SYNPO: variants seen among roughly 807,000 people sequenced by gnomAD.
SYNPO encodes the protein synaptopodin.
In SYNPO, 19 loss-of-function variants were observed where a neutral mutation model predicts 49.5. The observed-to-expected ratio is 0.38, with a 90% CI of 0.27 to 0.56. SYNPO has a LOEUF of 0.56. Ranked by LOEUF, SYNPO falls within the 20% of genes least tolerant of loss-of-function variation. The pLI is 0.68. For missense variants in SYNPO, 1,131 were observed against 1,248.3 expected, an observed-to-expected ratio of 0.91 and a Z score of 1.42; for synonymous variants, 536 against 548.0, an observed-to-expected ratio of 0.98 and a Z score of 0.31.
At chr5:150,629,436 G>C (rs1274135161) in intron 2 of SYNPO, among the ~76,000 whole-genome samples, 2 of 152,144 alleles carry the variant, frequency 1.3e-5, no homozygotes, top group Non-Finnish European at 2.9e-5. Context: ...CTTCCTCTGG[G>C]CCTCAGGCTT....
intron 2 of SYNPO, among the ~76,000 whole-genome samples, chr5:150,628,036 C>CTG (rs3062926): frequency 0.045 from 6,336 of 141,958 alleles, 289 homozygotes; most frequent in African/African-American, 0.13. Context: ...GTGTGTGTTT[C>CTG]TGTGTGTGTG....
intron 2 of SYNPO, among the ~76,000 whole-genome samples, chr5:150,655,853 G>A (rs1758531359): frequency 1.3e-5 from 2 of 152,190 alleles, no homozygotes; most frequent in African/African-American, 4.8e-5. Context: ...GTTTCTGCAT[G>A]TTGGCCAGGC....
chr5:150,619,826 C>T lies in SYNPO; in HGVS notation c.400+1059C>T, dbSNP rs145205139. 2.6e-5 allele frequency among the ~76,000 whole-genome samples: 4 copies of T among 152,350 alleles called. No individual in the cohort carries two copies. The East Asian group carries it at 7.7e-4, about 29-fold the overall frequency. On this transcript the variant is annotated intron_variant, in intron 2 of 2. Coordinates refer to the SYNPO transcript ENST00000394243. Reference sequence around the variant, plus strand: ...TCTCTCTGAAATAATTCTCTCCAGGCTCTGATCACCCCCCATGGCCACCAT... The same window carrying T: ...TCTCTCTGAAATAATTCTCTCCAGGTTCTGATCACCCCCCATGGCCACCAT...
chr5:150,602,995 A>AG (rs373724432), intron 1 of SYNPO, among the ~76,000 whole-genome samples: 64 of 87,516 alleles, frequency 7.3e-4, no homozygotes, highest in African/African-American at 2.9e-3. Flanking sequence ...TTGCCACCTT[A>AG]GGGTGTGTGT....
chr5:150,605,064 AC>A (rs1469663193), intron 1 of SYNPO, among the ~76,000 whole-genome samples: 2 of 152,156 alleles, frequency 1.3e-5, no homozygotes, highest in African/African-American at 4.8e-5. Context: ...AAATGAGCCA[AC>A]CCTAAGCTCC....
At position 150,656,704 on chromosome 5, in the gene SYNPO, G is replaced by A. The variant is rs1758570660; in HGVS notation, c.2329G>A (p.Ala777Thr). The part of the protein sequence containing the change: ...RKSASPRSAG[A>T]ENPRPFSPPR... ...GAGCGCCTCCCCGCGGTCGGCGGGC[G>A]CCGAGAACCCGCGGCCCTTCTCCCC... Residue 777 changes from alanine (A) to threonine (T), a missense_variant, in exon 3 of 3, where the codon GCC (alanine) becomes ACC (threonine). Ala to Thr is a moderately conservative substitution (Grantham distance 58). Coordinates refer to ENST00000307662, the MANE Select transcript of SYNPO (RefSeq NM_007286.6). 3 of 1,449,484 alleles carry A rather than the reference G, an allele frequency of 2.1e-6. No homozygotes were observed. In the East Asian group the frequency reaches 9.1e-5, roughly 44 times the overall value. The allele number at this position is 1,449,484 out of a possible 1,614,324, so 89.8% of individuals were successfully genotyped here. A position where few individuals can be genotyped will look rare whatever the true frequency, so the allele number is the denominator to read the frequency against.
intron 1 of SYNPO, among the ~76,000 whole-genome samples, chr5:150,606,755 A>T (rs1362891909): frequency 6.6e-6 from 1 of 152,192 alleles, no homozygotes; most frequent in Admixed American, 6.5e-5. Context: ...TTCAGTGAGG[A>T]GGAGAGGCAG....
rs3062926 is a variant in SYNPO, at chr5:150,628,036, CTGTGTGTG to C, written c.400+9292_400+9299del. Among the ~76,000 whole-genome samples, 327 of 142,034 alleles carry C rather than the reference CTGTGTGTG, an allele frequency of 2.3e-3. 8 individuals are homozygous for C. In the East Asian group the frequency reaches 0.04, roughly 17 times the overall value. The allele number at this position is 142,034 out of a possible 152,430, so 93.2% of individuals were successfully genotyped here. On this transcript the variant is annotated intron_variant, in intron 2 of 2. Transcript: ENST00000394243. ...TGTGTGTTTCTGTGTGTGTGTGTTT[CTGTGTGTG>C]TGTGTGTGTGTGTGTGTGTGTGGTC...
intron 2 of SYNPO, among the ~76,000 whole-genome samples, chr5:150,624,047 T>C (rs573109077): frequency 1.3e-5 from 2 of 152,324 alleles, no homozygotes; most frequent in African/African-American, 4.8e-5. Context: ...GCCACTGCCA[T>C]GGGGCTTCGC....
intron 2 of SYNPO, among the ~76,000 whole-genome samples, chr5:150,620,234 T>C (rs1057011965): frequency 2.0e-5 from 3 of 152,176 alleles, no homozygotes; most frequent in African/African-American, 7.2e-5. Context: ...GTTGTGGCAG[T>C]GTTTTGGAAA....
At chr5:150,647,374 A>G (rs925430162) in intron 1 of SYNPO, among the ~76,000 whole-genome samples, 1 of 152,226 alleles carries the variant, frequency 6.6e-6, no homozygotes, top group Non-Finnish European at 1.5e-5. Context: ...AAAACAAAAC[A>G]GATGGGATAG....
intron 2 of SYNPO, among the ~76,000 whole-genome samples, chr5:150,634,144 A>G (rs1480856741): frequency 1.3e-5 from 2 of 152,132 alleles, no homozygotes; most frequent in Admixed American, 6.5e-5. Flanking sequence ...CTGGCTGTAC[A>G]CAGAACCCCT....
chr5:150,588,573 T>C, the SYNPO span, among the ~76,000 whole-genome samples: 2 of 151,486 alleles, frequency 1.3e-5, no homozygotes, highest in African/African-American at 4.9e-5. Context: ...CCCAGGATTG[T>C]GGGAGTCAGA....
rs76583948 is a variant in SYNPO at position 150,611,819 on chromosome 5, G to A, written c.-265-6284G>A. Among the ~76,000 whole-genome samples the A allele has an allele frequency of 1.1e-3, 166 of 152,322 alleles. 1 individual carries two copies. Among genetic ancestry groups the A allele is most frequent in the East Asian group, 0.01 (53 of 5,182 alleles). Reference sequence around the variant, plus strand: ...CCCCAACTGGAAAACACTGGAAATGGGCAAGGCCAAGGAGAATTCAGGTGT... The same window carrying A: ...CCCCAACTGGAAAACACTGGAAATGAGCAAGGCCAAGGAGAATTCAGGTGT... On this transcript the variant is annotated intron_variant, in intron 1 of 2. Transcript: ENST00000394243.
chr5:150,644,997 C>T (rs1758038827), intron 1 of SYNPO, among the ~76,000 whole-genome samples: 1 of 152,160 alleles, frequency 6.6e-6, no homozygotes, highest in South Asian at 2.1e-4. Context: ...AGGTTGGGGC[C>T]AGAAAACCTG....
intron 2 of SYNPO, chr5:150,624,780 C>A (rs1195466117): frequency 2.2e-6 from 2 of 897,340 alleles, no homozygotes; most frequent in Non-Finnish European, 2.7e-6. Flanking sequence ...GGGCGTCGGG[C>A]GCGGAGCCTG....
chr5:150,630,806 G>A (rs1220022306), intron 2 of SYNPO, among the ~76,000 whole-genome samples: 1 of 152,226 alleles, frequency 6.6e-6, no homozygotes, highest in African/African-American at 2.4e-5. Flanking sequence ...TTTAAGCTGT[G>A]CCAGGGGTGT....
chr5:150,658,617 G>C lies in SYNPO; in HGVS notation c.*1530G>C, dbSNP rs1210596755. On this transcript the variant is annotated 3_prime_UTR_variant, in exon 3 of 3. Transcript: ENST00000307662. Reference sequence around the variant, plus strand: ...AGCTTCAGGATCAGCTGGGGGTATGGAATTGGCTGAGGATCAAACGTATGT... The same window carrying C: ...AGCTTCAGGATCAGCTGGGGGTATGCAATTGGCTGAGGATCAAACGTATGT... The C allele has an allele frequency of 6.6e-6, 1 of 152,518 alleles. No homozygotes were observed. Among genetic ancestry groups the C allele is most frequent in the Non-Finnish European group, 1.5e-5 (1 of 68,180 alleles). 9.4% of individuals were successfully genotyped at this position (152,518 alleles called of 1,614,324 possible). A position where few individuals can be genotyped will look rare whatever the true frequency, so the allele number is the denominator to read the frequency against.
chr5:150,599,100 C>G (rs11960108), upstream of SYNPO, among the ~76,000 whole-genome samples: 18,493 of 152,292 alleles, frequency 0.12, 2,432 homozygotes, highest in African/African-American at 0.33. Flanking sequence ...GGGCCTGTTG[C>G]AACCCAGACA....
Sources: allele counts gnomAD v4.1 joint callset (sites outside exome capture counted in the v4.1 genomes callset), GRCh38; gene constraint gnomAD v4.1.1; transcripts MANE v1.5; gene names NCBI Gene and HGNC (gene_info 2026-07-23, HGNC 2026-07-21).